GRIK2: variants seen among roughly 807,000 people sequenced by gnomAD.
GRIK2 encodes the protein glutamate ionotropic receptor kainate type subunit 2.
In GRIK2, 32 loss-of-function variants were observed where a neutral mutation model predicts 100.3. The ratio of observed to expected loss-of-function variants is 0.32; its 90% CI spans 0.24 to 0.43. The LOEUF (loss-of-function observed/expected upper bound fraction) is 0.43, where lower values mean the gene tolerates loss of function less well. Among genes scored for constraint, GRIK2 ranks in the 20% least tolerant of loss-of-function variants. The probability of loss-of-function intolerance (pLI) is 1.00; values close to 1 mark genes in which losing one functional copy is unlikely to be tolerated. For missense variants in GRIK2, 843 were observed against 1,114.9 expected (o/e 0.76, Z 3.47); for synonymous variants, 417 against 389.4 (o/e 1.07, Z -0.83).
At chr6:101,686,728 C>A (rs1295397244) in intron 7 of GRIK2, among the ~76,000 whole-genome samples, 1 of 152,028 alleles carries the variant, frequency 6.6e-6, no homozygotes, top group African/African-American at 2.4e-5. Context: ...ATGATGATTT[C>A]TGGTATCTGG....
intron 4 of GRIK2, among the ~76,000 whole-genome samples, chr6:101,643,820 A>G (rs1781396175): frequency 6.6e-6 from 1 of 151,738 alleles, no homozygotes; most frequent in African/African-American, 2.4e-5. Flanking sequence ...TGAGTAATGT[A>G]CTCATATTTT....
At chr6:101,879,062 C>T (rs935828341) in intron 11 of GRIK2, among the ~76,000 whole-genome samples, 3 of 152,030 alleles carry the variant, frequency 2.0e-5, no homozygotes, top group Non-Finnish European at 4.4e-5. Context: ...GCTTTTACTT[C>T]TGGGAAGCGA....
chr6:102,053,093 C>CACACACAA (rs1771284916), intron 15 of GRIK2, among the ~76,000 whole-genome samples: 1 of 149,456 alleles, frequency 6.7e-6, no homozygotes, highest in South Asian at 2.1e-4. Context: ...ACAACAACAA[C>CACACACAA]ACACACACAC....
At chr6:101,876,509 AC>A in intron 11 of GRIK2, among the ~76,000 whole-genome samples, 1 of 151,742 alleles carries the variant, frequency 6.6e-6, no homozygotes, top group East Asian at 1.9e-4. Flanking sequence ...ACACACACAC[AC>A]ACACACACAA....
chr6:101,716,736 A>G (rs1016164646), intron 7 of GRIK2, among the ~76,000 whole-genome samples: 2 of 151,908 alleles, frequency 1.3e-5, no homozygotes, highest in African/African-American at 4.8e-5. Context: ...GTACCCAAGA[A>G]CTTAAAGAAT....
chr6:101,547,149 C>A (rs1562216827), intron 2 of GRIK2, among the ~76,000 whole-genome samples: 1 of 152,020 alleles, frequency 6.6e-6, no homozygotes, highest in Non-Finnish European at 1.5e-5. Context: ...TTCTTTAGCT[C>A]ATGCCTCATT....
At chr6:101,723,038 T>C (rs770476371) in intron 7 of GRIK2, among the ~76,000 whole-genome samples, 19 of 152,068 alleles carry the variant, frequency 1.2e-4, no homozygotes, top group Non-Finnish European at 2.5e-4. Context: ...TTGTGCTTAG[T>C]CATGCCTGGA....
At chr6:101,715,169 G>A (rs979536516) in intron 7 of GRIK2, among the ~76,000 whole-genome samples, 1 of 151,752 alleles carries the variant, frequency 6.6e-6, no homozygotes, top group Non-Finnish European at 1.5e-5. Flanking sequence ...GTTCAGAAAC[G>A]TCATTAAAAT....
At chr6:101,518,697 A>G (rs1420373328) in intron 2 of GRIK2, among the ~76,000 whole-genome samples, 1 of 152,168 alleles carries the variant, frequency 6.6e-6, no homozygotes, top group Non-Finnish European at 1.5e-5. Context: ...TTAAAGATTT[A>G]CAGCATACTC....
intron 14 of GRIK2, among the ~76,000 whole-genome samples, chr6:101,936,643 G>C (rs1790636945): frequency 6.6e-6 from 1 of 151,978 alleles, no homozygotes. Context: ...AAGGACTACA[G>C]GAAACCAACA....
chr6:101,585,715 AG>A (rs757918404), intron 2 of GRIK2, among the ~76,000 whole-genome samples: 12 of 152,124 alleles, frequency 7.9e-5, no homozygotes, highest in Non-Finnish European at 1.3e-4. Flanking sequence ...AGGTGGAAAA[AG>A]GTGACACATT....
chr6:101,872,359 AG>A (rs1484347165), intron 11 of GRIK2, among the ~76,000 whole-genome samples: 3 of 151,858 alleles, frequency 2.0e-5, no homozygotes, highest in South Asian at 2.1e-4. Flanking sequence ...ATCCTAGTGG[AG>A]GGGAAGCAAA....
chr6:101,769,268 T>G (rs1424337609), intron 7 of GRIK2, among the ~76,000 whole-genome samples: 1 of 152,186 alleles, frequency 6.6e-6, no homozygotes, highest in Admixed American at 6.5e-5. Context: ...TTGACATAAA[T>G]GAAAGTATCT....
At chr6:102,065,695 G>T in intron 16 of GRIK2, 2 of 640,564 alleles carry the variant, frequency 3.1e-6, no homozygotes, top group South Asian at 2.1e-5. Context: ...TATTTCAAAC[G>T]ATTCAATGTT....
At chr6:101,642,921 G>A (rs903703557) in intron 4 of GRIK2, among the ~76,000 whole-genome samples, 8 of 151,510 alleles carry the variant, frequency 5.3e-5, no homozygotes, top group African/African-American at 1.9e-4. Context: ...TACTCATGTT[G>A]ATGGGTGTAA....
intron 15 of GRIK2, among the ~76,000 whole-genome samples, chr6:102,048,014 A>AAAT (rs749182807): frequency 3.3e-5 from 5 of 151,694 alleles, no homozygotes; most frequent in Admixed American, 1.3e-4. Context: ...CCCAAGAAAA[A>AAAT]AATAGACATA....
intron 16 of GRIK2, among the ~76,000 whole-genome samples, chr6:102,056,992 T>G (rs1346609761): frequency 1.3e-5 from 2 of 152,026 alleles, no homozygotes; most frequent in African/African-American, 4.8e-5. Flanking sequence ...TTGGTTGCAT[T>G]TGTGTGTCTA....
At chr6:101,601,306 C>T (rs1779202559) in intron 2 of GRIK2, among the ~76,000 whole-genome samples, 1 of 151,722 alleles carries the variant, frequency 6.6e-6, no homozygotes, top group African/African-American at 2.4e-5. Flanking sequence ...GGTGAATTAA[C>T]TTTTTGATGT....
At chr6:101,988,090 AGTGTGTGTGTGTGTGTGT>A (rs57491735) in intron 14 of GRIK2, among the ~76,000 whole-genome samples, 26 of 141,498 alleles carry the variant, frequency 1.8e-4, no homozygotes, top group East Asian at 1.3e-3. Flanking sequence ...CCAGTATTAT[AGTGTGTGTGTGTGTGTGT>A]GTGTGTGTGT....
Sources: gnomAD v4.1 joint callset for allele counts (sites outside exome capture counted in the v4.1 genomes callset) on GRCh38, gnomAD v4.1.1 for gene constraint, MANE v1.5 for transcripts, NCBI Gene and HGNC (gene_info 2026-07-23, HGNC 2026-07-21) for gene names.